Variants in MDGA2 observed in about 807,000 individuals in gnomAD.
MDGA2 encodes the protein MAM domain-containing glycosylphosphatidylinositol anchor protein 2.
Under a neutral mutation model 117.8 loss-of-function variants are expected in MDGA2, and 40 were observed. That is an observed-to-expected ratio of 0.34 (90% CI 0.26 to 0.44). The LOEUF is 0.44. Among genes scored for constraint, MDGA2 ranks in the 20% least tolerant of loss-of-function variants. MDGA2 has a pLI of 1.00. For synonymous variants in MDGA2, 452 were observed against 439.0 expected (o/e 1.03, Z -0.37); for missense variants, 1,123 against 1,250.6 (o/e 0.90, Z 1.54).
At chr14:47,502,426 C>G (rs1894417864) in intron 1 of MDGA2, among the ~76,000 whole-genome samples, 1 of 152,086 alleles carries the variant, frequency 6.6e-6, no homozygotes, top group Non-Finnish European at 1.5e-5. Context: ...TAAATTCTGT[C>G]TCATGTGTAA....
At chr14:47,469,049 G>A (rs1247540235) in intron 1 of MDGA2, among the ~76,000 whole-genome samples, 3 of 151,888 alleles carry the variant, frequency 2.0e-5, no homozygotes, top group Non-Finnish European at 2.9e-5. Flanking sequence ...AATTATATAC[G>A]ATGACCTACA....
chr14:47,449,208 G>A (rs577216603), intron 1 of MDGA2, among the ~76,000 whole-genome samples: 9 of 152,026 alleles, frequency 5.9e-5, no homozygotes, highest in Admixed American at 2.0e-4. Flanking sequence ...TTTACTTTTG[G>A]AAACTCCTCA....
intron 11 of MDGA2, among the ~76,000 whole-genome samples, chr14:46,881,805 A>G (rs747069118): frequency 1.2e-4 from 18 of 152,138 alleles, no homozygotes; most frequent in African/African-American, 3.6e-4. Flanking sequence ...AACATTGCTT[A>G]TATCACATAG....
intron 1 of MDGA2, among the ~76,000 whole-genome samples, chr14:47,360,173 GA>G (rs1891085498): frequency 6.6e-6 from 1 of 151,880 alleles, no homozygotes; most frequent in Admixed American, 6.6e-5. Flanking sequence ...CCAACATGGA[GA>G]AACCCCATCT....
At chr14:47,561,158 GTTTT>G (rs58890509) in intron 1 of MDGA2, among the ~76,000 whole-genome samples, 4,462 of 54,312 alleles carry the variant, frequency 0.082, 431 homozygotes, top group African/African-American at 0.18. Flanking sequence ...TTTTTGTTTT[GTTTT>G]GTTTTTTTGT....
chr14:47,437,735 T>C (rs1389444858), intron 1 of MDGA2, among the ~76,000 whole-genome samples: 5 of 152,170 alleles, frequency 3.3e-5, no homozygotes, highest in Admixed American at 2.6e-4. Flanking sequence ...CAGCTGATCA[T>C]TTAAATTAAA....
intron 1 of MDGA2, among the ~76,000 whole-genome samples, chr14:47,389,277 A>G (rs779153096): frequency 6.6e-6 from 1 of 152,198 alleles, no homozygotes; most frequent in Non-Finnish European, 1.5e-5. Context: ...TATGGTCAAA[A>G]TATAGGTGTG....
chr14:46,976,791 T>A (rs1198199700), intron 8 of MDGA2, among the ~76,000 whole-genome samples: 3 of 151,954 alleles, frequency 2.0e-5, no homozygotes, highest in African/African-American at 7.2e-5. Context: ...TCTTCTAGAA[T>A]TGAGTCTTCA....
chr14:46,874,237 A>G, intron 12 of MDGA2, 37 bp from the exon 13 acceptor site: 1 of 1,005,976 alleles, frequency 9.9e-7, no homozygotes, highest in Non-Finnish European at 1.3e-6. Flanking sequence ...TATTAATTAA[A>G]TTAATACACA....
chr14:47,273,065 T>C (rs1042045999), intron 2 of MDGA2, among the ~76,000 whole-genome samples: 1 of 152,050 alleles, frequency 6.6e-6, no homozygotes, highest in Non-Finnish European at 1.5e-5. Context: ...TTGACCCCCT[T>C]TTTAGTCCCT....
intron 9 of MDGA2, among the ~76,000 whole-genome samples, chr14:46,941,008 G>A (rs1291956758): frequency 6.6e-6 from 1 of 152,136 alleles, no homozygotes; most frequent in African/African-American, 2.4e-5. Context: ...AAAGGAAACC[G>A]GTTATTGAAC....
In MDGA2 at chr14:47,061,273, C is replaced by T. The variant is rs780751606; in HGVS notation, c.1501G>A (p.Asp501Asn). 3 of 1,613,092 alleles carry T rather than the reference C, an allele frequency of 1.9e-6. No individual in the cohort carries two copies. Among genetic ancestry groups the T allele is most frequent in the Admixed American group, 3.3e-5 (2 of 59,930 alleles). ...CCTGTGCTGCTGGATATATTAACATCGATACTGATATCAGATATTCCTCCT... is the reference window on the plus strand; with the variant it reads ...CCTGTGCTGCTGGATATATTAACATTGATACTGATATCAGATATTCCTCCT... ...KGGGISDISI[D>N]VNISSSTVPP... The change falls in exon 7 of 17, where the codon GAT becomes AAT. Residue 501 changes from aspartate (D) to asparagine (N), a missense_variant. Transcript: ENST00000399232.
intron 1 of MDGA2, among the ~76,000 whole-genome samples, chr14:47,344,876 A>AGT (rs59134154): frequency 0.3 from 45,491 of 150,790 alleles, 7,331 homozygotes; most frequent in South Asian, 0.38. Flanking sequence ...TGTGTATGAG[A>AGT]GTGTGTGTGT....
intron 8 of MDGA2, among the ~76,000 whole-genome samples, chr14:46,973,304 A>G (rs1201022470): frequency 1.3e-5 from 2 of 152,174 alleles, no homozygotes; most frequent in African/African-American, 4.8e-5. Context: ...TTTACAAAAA[A>G]CAACCAACAT....
intron 1 of MDGA2, among the ~76,000 whole-genome samples, chr14:47,518,811 CATAG>C (rs1463651159): frequency 1.3e-5 from 2 of 152,156 alleles, no homozygotes; most frequent in Non-Finnish European, 2.9e-5. Context: ...ATTCAGGAGA[CATAG>C]ATAATTAGCT....
At chr14:47,284,748 T>G (rs1484030883) in intron 2 of MDGA2, among the ~76,000 whole-genome samples, 4 of 151,868 alleles carry the variant, frequency 2.6e-5, no homozygotes, top group African/African-American at 9.7e-5. Flanking sequence ...GAACCTGGAG[T>G]GGCCTTATTT....
chr14:47,249,141 C>T (rs908067417), intron 2 of MDGA2, among the ~76,000 whole-genome samples: 1 of 151,954 alleles, frequency 6.6e-6, no homozygotes, highest in Non-Finnish European at 1.5e-5. Flanking sequence ...CCTCAGCCCC[C>T]CGAGTAGATG....
At chr14:47,133,303 A>C (rs1297489476) in intron 4 of MDGA2, among the ~76,000 whole-genome samples, 2 of 151,958 alleles carry the variant, frequency 1.3e-5, no homozygotes, top group African/African-American at 4.8e-5. Context: ...TAAAATGCCT[A>C]GAAAGTGGGC....
intron 1 of MDGA2, among the ~76,000 whole-genome samples, chr14:47,540,540 G>A (rs867406893): frequency 2.0e-3 from 159 of 79,202 alleles, no homozygotes; most frequent in Middle Eastern, 6.3e-3. Flanking sequence ...GTGTGTGTGT[G>A]TATATATATA....
Sources: allele counts gnomAD v4.1 joint callset (sites outside exome capture counted in the v4.1 genomes callset), GRCh38; gene constraint gnomAD v4.1.1; transcripts MANE v1.5; gene names NCBI Gene and HGNC (gene_info 2026-07-23, HGNC 2026-07-21).